Variants in B3GALT1 observed in about 807,000 individuals in gnomAD.
The protein encoded by B3GALT1 is UDP-Gal:betaGlcNAc beta 1,3-galactosyltransferase, polypeptide 1.
Under a neutral mutation model 23.2 loss-of-function variants are expected in B3GALT1, and 10 were observed. The observed-to-expected ratio is 0.43, with a 90% CI of 0.27 to 0.73. The LOEUF is 0.73. Ranked by LOEUF, B3GALT1 falls within the 30% of genes least tolerant of loss-of-function variation. The pLI is 0.21. For synonymous variants in B3GALT1, 156 were observed against 141.5 expected, an observed-to-expected ratio of 1.10 and a Z score of -0.73; for missense variants, 299 against 405.4, an observed-to-expected ratio of 0.74 and a Z score of 2.25.
chr2:167,297,117 GAT>G (rs1696363935), intron 1 of B3GALT1, among the ~76,000 whole-genome samples: 1 of 152,066 alleles, frequency 6.6e-6, no homozygotes, highest in Non-Finnish European at 1.5e-5. Flanking sequence ...AACATGATAT[GAT>G]ATCTGTCCTT....
At chr2:167,453,071 C>G (rs1699113379) in intron 1 of B3GALT1, among the ~76,000 whole-genome samples, 2 of 152,148 alleles carry the variant, frequency 1.3e-5, no homozygotes, top group Non-Finnish European at 2.9e-5. Flanking sequence ...TCAGCACATT[C>G]TCAATCCTGA....
At chr2:167,508,214 TCTTA>T (rs1291865163) in intron 2 of B3GALT1, among the ~76,000 whole-genome samples, 3 of 152,018 alleles carry the variant, frequency 2.0e-5, no homozygotes, top group Non-Finnish European at 4.4e-5. Flanking sequence ...TCAAAATAGT[TCTTA>T]CTTCACAGAT....
intron 2 of B3GALT1, among the ~76,000 whole-genome samples, chr2:167,577,438 A>G (rs891529856): frequency 4.6e-5 from 7 of 151,902 alleles, no homozygotes; most frequent in African/African-American, 1.7e-4. Flanking sequence ...ATATAGATCA[A>G]TTGAAAATGA....
At chr2:167,493,788 T>C (rs1325557914) in intron 2 of B3GALT1, among the ~76,000 whole-genome samples, 1 of 152,170 alleles carries the variant, frequency 6.6e-6, no homozygotes, top group Non-Finnish European at 1.5e-5. Context: ...TTTCAAACAT[T>C]AGTATACAGA....
intron 1 of B3GALT1, among the ~76,000 whole-genome samples, chr2:167,346,160 T>G (rs972023159): frequency 6.6e-6 from 1 of 152,130 alleles, no homozygotes; most frequent in Non-Finnish European, 1.5e-5. Context: ...ATAACCATTT[T>G]GTGATTTGGA....
intron 2 of B3GALT1, among the ~76,000 whole-genome samples, chr2:167,571,943 A>T (rs1014188212): frequency 6.6e-6 from 1 of 151,938 alleles, no homozygotes; most frequent in African/African-American, 2.4e-5. Flanking sequence ...AGTATAAATT[A>T]TACAACTTTT....
chr2:167,680,771 C>A (rs1242860320), intron 3 of B3GALT1, among the ~76,000 whole-genome samples: 2 of 146,976 alleles, frequency 1.4e-5, no homozygotes, highest in African/African-American at 4.9e-5. Flanking sequence ...ATTATTCGCG[C>A]AGAATTTTTT....
intron 1 of B3GALT1, among the ~76,000 whole-genome samples, chr2:167,357,824 A>C (rs1697439092): frequency 6.6e-6 from 1 of 152,204 alleles, no homozygotes; most frequent in South Asian, 2.1e-4. Flanking sequence ...AAAACATTGC[A>C]CATTCATCTT....
intron 1 of B3GALT1, among the ~76,000 whole-genome samples, chr2:167,363,036 A>G (rs1401479054): frequency 6.6e-6 from 1 of 151,314 alleles, no homozygotes; most frequent in Non-Finnish European, 1.5e-5. Flanking sequence ...TTGTATTTTT[A>G]GTAGAGATGG....
In B3GALT1 at chr2:167,389,132, A is replaced by G. The variant is rs1398569711; in HGVS notation, c.-511+95798A>G. 3.3e-5 allele frequency among the ~76,000 whole-genome samples: 5 copies of G among 152,194 alleles called. No individual in the cohort carries two copies. The East Asian group carries it at 7.7e-4, about 23-fold the overall frequency. On this transcript the variant is annotated intron_variant, in intron 1 of 4. Coordinates refer to ENST00000392690, the MANE Select transcript of B3GALT1 (RefSeq NM_020981.4). ...GTATATTATATAAGAACAACTTGTC[A>G]TAGACTAAATTCTGTGCTTCTGGTG...
At chr2:167,514,478 C>G (rs1314265999) in intron 2 of B3GALT1, among the ~76,000 whole-genome samples, 1 of 152,116 alleles carries the variant, frequency 6.6e-6, no homozygotes, top group African/African-American at 2.4e-5. Flanking sequence ...TGCAATCTCC[C>G]TTTAATGTCC....
chr2:167,573,019 C>A (rs539971390), intron 2 of B3GALT1, among the ~76,000 whole-genome samples: 1 of 151,700 alleles, frequency 6.6e-6, no homozygotes, highest in African/African-American at 2.4e-5. Context: ...ATCCCAAGTC[C>A]TTAATGATGC....
intron 1 of B3GALT1, among the ~76,000 whole-genome samples, chr2:167,413,911 G>A (rs1345262329): frequency 6.6e-6 from 1 of 151,876 alleles, no homozygotes. Context: ...AATTTCACAT[G>A]TTATGGTAGT....
chr2:167,364,335 T>TAC (rs1019713303), intron 1 of B3GALT1, among the ~76,000 whole-genome samples: 2 of 48,420 alleles, frequency 4.1e-5, no homozygotes, highest in African/African-American at 7.3e-5. Context: ...CATATATATA[T>TAC]ATAGTTTTTT....
chr2:167,517,214 T>C (rs1446863754), intron 2 of B3GALT1, among the ~76,000 whole-genome samples: 1 of 151,574 alleles, frequency 6.6e-6, no homozygotes, highest in East Asian at 1.9e-4. Flanking sequence ...TGGGGTTTTA[T>C]TGTTAAGGTT....
At chr2:167,789,906 C>T (rs61734986) in intron 3 of B3GALT1, among the ~76,000 whole-genome samples, 5,767 of 152,184 alleles carry the variant, frequency 0.038, 135 homozygotes, top group South Asian at 0.08. Context: ...GAAGGGTGAC[C>T]GTGCGGTAGG....
chr2:167,626,347 T>TA (rs1685345781), intron 2 of B3GALT1, among the ~76,000 whole-genome samples: 2 of 151,706 alleles, frequency 1.3e-5, no homozygotes, highest in Non-Finnish European at 3.0e-5. Context: ...TATCTCACAG[T>TA]AAGAAGCTTT....
At chr2:167,546,548 A>AC (rs933699243) in intron 2 of B3GALT1, among the ~76,000 whole-genome samples, 6 of 151,848 alleles carry the variant, frequency 4.0e-5, no homozygotes, top group African/African-American at 9.7e-5. Context: ...CTTAGATCTC[A>AC]CCCCCCACCC....
intron 3 of B3GALT1, among the ~76,000 whole-genome samples, chr2:167,803,086 AC>A (rs1688670471): frequency 9.1e-6 from 1 of 109,992 alleles, no homozygotes; most frequent in Non-Finnish European, 2.1e-5. Flanking sequence ...TAACAAACAC[AC>A]ACACACACAC....
Sources: allele counts gnomAD v4.1 joint callset (sites outside exome capture counted in the v4.1 genomes callset), GRCh38; gene constraint gnomAD v4.1.1; transcripts MANE v1.5; gene names NCBI Gene and HGNC (gene_info 2026-07-23, HGNC 2026-07-21).